The following HMCN1 variants were observed in gnomAD, a reference collection of about 807,000 sequenced individuals.
HMCN1 encodes the protein hemicentin 1.
A neutral mutation model predicts 625.9 loss-of-function variants in HMCN1; 321 were observed. The ratio of observed to expected loss-of-function variants is 0.51; its 90% CI spans 0.47 to 0.56. HMCN1 has a LOEUF of 0.56. Among genes scored for constraint, HMCN1 ranks in the 20% least tolerant of loss-of-function variants. The pLI, the probability that HMCN1 is intolerant of heterozygous loss-of-function variation, is 0.00. For missense variants in HMCN1, 6,588 were observed against 6,887.3 expected (o/e 0.96, Z 1.54); for synonymous variants, 2,425 against 2,417.6 (o/e 1.00, Z -0.09).
Position 186,189,749 on chromosome 1 carries a change from A to T in HMCN1, c.16779A>T (p.Thr5593=). 1 of 1,613,756 alleles carries T rather than the reference A, an allele frequency of 6.2e-7. No homozygotes were observed. Among genetic ancestry groups the T allele is most frequent in the South Asian group, 1.1e-5 (1 of 91,062 alleles). The change falls in exon 107 of 107, where the codon ACA becomes ACT. Residue 5593 remains threonine (T), a synonymous_variant. Coordinates refer to ENST00000271588, the MANE Select transcript of HMCN1 (RefSeq NM_031935.3). ...RDENLKGVVY[T]TRPLREAETY... ...AAAACCTGAAAGGAGTGGTGTATAC[A>T]ACACGACCACTACGAGAAGCAGAGA... is the stretch of plus-strand genomic sequence containing the variant.
intron 97 of HMCN1, among the ~76,000 whole-genome samples, chr1:186,157,211 G>A (rs1203992796): frequency 6.6e-6 from 1 of 152,058 alleles, no homozygotes; most frequent in East Asian, 1.9e-4. Flanking sequence ...GCAGTAGTTT[G>A]TTCCATTTGA....
chr1:186,153,812 G>A lies in HMCN1; in HGVS notation c.15081G>A (p.Leu5027=), dbSNP rs1388359160. 2 of 1,614,154 alleles carry A rather than the reference G, an allele frequency of 1.2e-6. No homozygotes were observed. The highest frequency in any genetic ancestry group is 1.3e-5 in the African/African-American group (1 of 75,030). The change falls in exon 97 of 107, where the codon CTG becomes CTA. Residue 5027 remains leucine (L), a synonymous_variant. Transcript: ENST00000271588. ...PGQLYAYSTR[L]FTIDGISIPY... is the part of the protein sequence containing the mutation. ...AGCTGTACGCCTACTCAACCCGGCT[G>A]TTCACCATTGATGGCATCAGCATCC... is the stretch of plus-strand genomic sequence containing the variant.
intron 11 of HMCN1, among the ~76,000 whole-genome samples, chr1:185,958,446 G>A (rs185299655): frequency 9.9e-4 from 151 of 152,198 alleles, no homozygotes; most frequent in Non-Finnish European, 1.7e-3. Flanking sequence ...TCTAAATGAC[G>A]TATGTAAGTG....
chr1:186,065,153 C>A, intron 48 of HMCN1, 85 bp from the exon 49 acceptor site: 3 of 1,058,986 alleles, frequency 2.8e-6, no homozygotes, highest in Non-Finnish European at 4.3e-6. Context: ...TGTAGGAAGA[C>A]AAATGAGTGA....
intron 18 of HMCN1, among the ~76,000 whole-genome samples, chr1:185,983,964 A>C (rs1287112492): frequency 6.6e-6 from 1 of 152,172 alleles, no homozygotes; most frequent in African/African-American, 2.4e-5. Context: ...TAATAGGTAT[A>C]ATATTTGGAG....
At chr1:185,931,171 G>A (rs1386877365) in intron 10 of HMCN1, among the ~76,000 whole-genome samples, 2 of 152,108 alleles carry the variant, frequency 1.3e-5, no homozygotes, top group Non-Finnish European at 1.5e-5. Flanking sequence ...TAAGATGTAG[G>A]TTCCTGGCCT....
Position 186,095,232 on chromosome 1 carries a change from T to A in HMCN1, c.10295-11T>A. On this transcript the variant is annotated splice_polypyrimidine_tract_variant and intron_variant, in intron 67 of 106. Transcript: ENST00000271588. ...GACATCCAAATTTTGCCCATGTTGT[T>A]TTCTATGTAGCACCACCAAATATGG... The A allele has an allele frequency of 6.2e-7, 1 of 1,613,604 alleles. No individual in the cohort carries two copies. The highest frequency in any genetic ancestry group is 8.5e-7 in the Non-Finnish European group (1 of 1,179,722).
chr1:186,153,603 A>G, intron 96 of HMCN1, 147 bp from the exon 97 acceptor site: 1 of 723,736 alleles, frequency 1.4e-6, no homozygotes, highest in Non-Finnish European at 2.5e-6. Flanking sequence ...AAAAGTTAAC[A>G]CATATTAAAT....
At chr1:185,777,471 GA>G (rs1279690716) in intron 1 of HMCN1, among the ~76,000 whole-genome samples, 3 of 148,800 alleles carry the variant, frequency 2.0e-5, no homozygotes, top group African/African-American at 7.4e-5. Context: ...TTTTTTTTCT[GA>G]GATGGAGTCT....
intron 2 of HMCN1, among the ~76,000 whole-genome samples, chr1:185,850,461 C>T (rs1329394538): frequency 2.0e-5 from 3 of 152,036 alleles, no homozygotes; most frequent in African/African-American, 7.2e-5. Context: ...TCAATGAGAC[C>T]TGGCACAGGC....
chr1:186,149,385 G>A (rs1650534158), intron 93 of HMCN1, among the ~76,000 whole-genome samples: 1 of 152,130 alleles, frequency 6.6e-6, no homozygotes, highest in African/African-American at 2.4e-5. Context: ...TTACTTAAAT[G>A]GCTTCTGTCC....
rs775412545 is a variant in HMCN1, at chr1:186,015,988, C to T, written c.4940C>T (p.Thr1647Met). 3.2e-5 allele frequency: 51 copies of T among 1,613,240 alleles called. No individual in the cohort carries two copies. Among genetic ancestry groups the T allele is most frequent in the South Asian group, 1.2e-4 (11 of 91,070 alleles). ...CCAATGATTGAAGGCAACTTGGCCA[C>T]GCCTTTGAATAAGCAAGTAGTTATT... ...VPPMIEGNLA[T>M]PLNKQVVIAH... Residue 1647 changes from threonine to methionine, a missense_variant, in exon 32 of 107, where the codon ACG becomes ATG. This residue lies in a region of HMCN1 where 4,628 missense variants were observed against 4,853.1 expected (regional missense o/e 0.95). Coordinates refer to ENST00000271588, the MANE Select transcript of HMCN1 (RefSeq NM_031935.3).
intron 4 of HMCN1, among the ~76,000 whole-genome samples, chr1:185,873,006 G>A (rs1490180402): frequency 6.6e-6 from 1 of 152,056 alleles, no homozygotes; most frequent in Non-Finnish European, 1.5e-5. Flanking sequence ...GGAAAAAGAA[G>A]CTTATATAAT....
Position 185,808,175 on chromosome 1 carries a change from G to A in HMCN1, c.269-37851G>A, listed in dbSNP as rs540115618. Among the ~76,000 whole-genome samples the A allele has an allele frequency of 1.0e-3, 159 of 151,942 alleles. 3 individuals are homozygous for A. The highest frequency in any genetic ancestry group is 3.6e-3 in the African/African-American group (149 of 41,456). The stretch of plus-strand genomic sequence containing the variant: ...AGCCTGACCAATATGGCGAAACGCT[G>A]TCTTTATTAAAAATACAAAAAATTA... On this transcript the variant is annotated intron_variant, in intron 1 of 106. Coordinates refer to ENST00000271588, the MANE Select transcript of HMCN1 (RefSeq NM_031935.3).
chr1:185,761,173 G>T (rs1164965607), intron 1 of HMCN1, among the ~76,000 whole-genome samples: 1 of 152,102 alleles, frequency 6.6e-6, no homozygotes, highest in Middle Eastern at 3.4e-3. Context: ...AATTGAGAAT[G>T]GGGACAAAGG....
intron 4 of HMCN1, among the ~76,000 whole-genome samples, chr1:185,873,131 T>C (rs1392267830): frequency 6.6e-6 from 1 of 152,200 alleles, no homozygotes; most frequent in African/African-American, 2.4e-5. Flanking sequence ...ATAAACCTAT[T>C]TATTTAGCTG....
intron 4 of HMCN1, among the ~76,000 whole-genome samples, chr1:185,897,503 A>G (rs989077774): frequency 2.0e-5 from 3 of 152,124 alleles, no homozygotes; most frequent in Non-Finnish European, 2.9e-5. Flanking sequence ...CACACACACC[A>G]GCTATGACAC....
intron 1 of HMCN1, among the ~76,000 whole-genome samples, chr1:185,750,718 T>C (rs1654749018): frequency 2.0e-5 from 3 of 152,146 alleles, no homozygotes; most frequent in South Asian, 4.1e-4. Context: ...GTTACTCTTA[T>C]TGTGATTTTT....
chr1:186,180,563 T>C (rs1221598739), intron 104 of HMCN1, among the ~76,000 whole-genome samples: 1 of 152,196 alleles, frequency 6.6e-6, no homozygotes, highest in Non-Finnish European at 1.5e-5. Context: ...TACTTCTTCA[T>C]CACTATCTAT....
Sources: allele counts gnomAD v4.1 joint callset (sites outside exome capture counted in the v4.1 genomes callset), GRCh38; gene constraint gnomAD v4.1.1; regional missense constraint gnomAD v4.1.1; transcripts MANE v1.5; gene names NCBI Gene and HGNC (gene_info 2026-07-23, HGNC 2026-07-21).